Variants in CACNA1C observed in about 807,000 individuals in gnomAD.
The protein encoded by CACNA1C is voltage-dependent L-type calcium channel subunit alpha-1C.
In CACNA1C, 30 loss-of-function variants were observed where a neutral mutation model predicts 229.0. The ratio of observed to expected loss-of-function variants is 0.13; its 90% CI spans 0.10 to 0.18. The LOEUF is 0.18. CACNA1C is among the 10% of genes least tolerant of loss of function. CACNA1C has a pLI of 1.00. For missense variants in CACNA1C, 1,658 were observed against 2,845.0 expected (o/e 0.58, Z 9.49); for synonymous variants, 1,114 against 1,132.5 (o/e 0.98, Z 0.33).
At chr12:2,207,276 C>A (rs1479831811) in intron 3 of CACNA1C, among the ~76,000 whole-genome samples, 1 of 152,194 alleles carries the variant, frequency 6.6e-6, no homozygotes, top group Non-Finnish European at 1.5e-5. Context: ...AGAAAGAGGT[C>A]ATTTGTTTGG....
rs184330227 is a variant in CACNA1C, at chr12:2,578,090, G to T, written c.1896-3500G>T. Among the ~76,000 whole-genome samples, 6 of 151,972 alleles carry T rather than the reference G, an allele frequency of 3.9e-5. No homozygotes were observed. The East Asian group carries it at 5.8e-4, about 15-fold the overall frequency. On this transcript the variant is annotated intron_variant, in intron 13 of 46. Coordinates refer to ENST00000399655, the MANE Select transcript of CACNA1C (RefSeq NM_000719.7). ...TCACCGTGTTAGCCAGGATGGTCTCGATCTCCTGACCTCGTGATCCGCCCG... is the reference window on the plus strand; with the variant it reads ...TCACCGTGTTAGCCAGGATGGTCTCTATCTCCTGACCTCGTGATCCGCCCG...
chr12:2,277,964 C>T (rs2089549932), intron 3 of CACNA1C, among the ~76,000 whole-genome samples: 1 of 152,246 alleles, frequency 6.6e-6, no homozygotes, highest in Admixed American at 6.5e-5. Context: ...TTGCATGGCA[C>T]ACCACTCTTA....
chr12:2,662,848 T>C (rs2095836982), intron 34 of CACNA1C, among the ~76,000 whole-genome samples: 1 of 152,188 alleles, frequency 6.6e-6, no homozygotes, highest in Non-Finnish European at 1.5e-5. Context: ...TCTACGCAAA[T>C]ACAACTTACG....
rs114079872 is a variant in CACNA1C at position 2,609,026 on chromosome 12, A to G, written c.3558+314A>G. Among the ~76,000 whole-genome samples the G allele has an allele frequency of 5.9e-3, 904 of 152,334 alleles. 13 individuals carry two copies. Among genetic ancestry groups the G allele is most frequent in the African/African-American group, 0.02 (834 of 41,574 alleles). ...GAAGTTAACAAGTTAGAGGGACCCA[A>G]GTGGGTCGGCACCATGATACGGAGG... On this transcript the variant is annotated intron_variant, in intron 27 of 46. Coordinates refer to ENST00000399655, the MANE Select transcript of CACNA1C (RefSeq NM_000719.7).
At chr12:2,447,765 C>T (rs1264239256) in intron 3 of CACNA1C, among the ~76,000 whole-genome samples, 1 of 152,240 alleles carries the variant, frequency 6.6e-6, no homozygotes, top group Non-Finnish European at 1.5e-5. Flanking sequence ...AACATCCCTC[C>T]TCCAGAATGT....
intron 3 of CACNA1C, among the ~76,000 whole-genome samples, chr12:2,294,913 A>G (rs140754583): frequency 3.9e-4 from 59 of 151,890 alleles, no homozygotes; most frequent in Non-Finnish European, 7.7e-4. Context: ...CAGTTGTGTA[A>G]TCTCCGTGGT....
rs144816572 is a variant in CACNA1C at position 2,053,169 on chromosome 12, C to T, written c.-394C>T. On this transcript the variant is annotated 5_prime_UTR_variant, in exon 1 of 47. Coordinates refer to ENST00000399655, the MANE Select transcript of CACNA1C (RefSeq NM_000719.7). The surrounding 1 kb of genome is among the most constrained non-coding windows in gnomAD (Gnocchi z 5.8). ...GACTCGCTGGGAGTGGGCAGAGGCGCCTCGGCCCCTGCCGGCCCAGGCGGG... is the reference window on the plus strand; with the variant it reads ...GACTCGCTGGGAGTGGGCAGAGGCGTCTCGGCCCCTGCCGGCCCAGGCGGG... The T allele has an allele frequency of 9.9e-4, 988 of 993,350 alleles. 5 individuals carry two copies. The African/African-American group carries it at 0.016, about 16-fold the overall frequency. 61.5% of individuals were successfully genotyped at this position (993,350 alleles called of 1,614,324 possible).
rs761831470 is a variant in CACNA1C at position 2,674,480 on chromosome 12, G to A, written c.4727-61G>A. The A allele has an allele frequency of 2.2e-5, 34 of 1,525,166 alleles. No individual in the cohort carries two copies. Among genetic ancestry groups the A allele is most frequent in the Admixed American group, 1.4e-4 (7 of 49,506 alleles). The allele number at this position is 1,525,166 out of a possible 1,614,324, so 94.5% of individuals were successfully genotyped here. A position where few individuals can be genotyped will look rare whatever the true frequency, so the allele number is the denominator to read the frequency against. ...CACCATCTGTGGCTTCCTACCTTAC[G>A]CAGAGGGACCCAGCCCATCAGAGGC... is the stretch of plus-strand genomic sequence containing the variant. On this transcript the variant is annotated intron_variant, in intron 38 of 46. Transcript: ENST00000399655.
chr12:2,074,920 G>A (rs1028262981), intron 1 of CACNA1C, among the ~76,000 whole-genome samples: 1 of 152,202 alleles, frequency 6.6e-6, no homozygotes, highest in African/African-American at 2.4e-5. Flanking sequence ...GGCTTTGGAA[G>A]TGCCTTTCAA....
At chr12:2,160,297 T>C (rs2095789297) in intron 3 of CACNA1C, among the ~76,000 whole-genome samples, 1 of 152,228 alleles carries the variant, frequency 6.6e-6, no homozygotes, top group Non-Finnish European at 1.5e-5. Context: ...GCTTAGCACA[T>C]GGCCTGACAC....
chr12:2,661,981 G>A lies in CACNA1C; in HGVS notation c.4233-2844G>A, dbSNP rs561869826. ...GGAAAGGCCGGGCGCAGTGGCTCACGCCTGTAATCCCAGCACTTCGGGAGG... is the reference window on the plus strand; with the variant it reads ...GGAAAGGCCGGGCGCAGTGGCTCACACCTGTAATCCCAGCACTTCGGGAGG... On this transcript the variant is annotated intron_variant, in intron 34 of 46. Coordinates refer to ENST00000399655, the MANE Select transcript of CACNA1C (RefSeq NM_000719.7). Among the ~76,000 whole-genome samples the A allele has an allele frequency of 7.2e-5, 11 of 152,302 alleles. No individual in the cohort carries two copies. In the South Asian group the frequency reaches 1.7e-3, roughly 23 times the overall value.
At chr12:1,986,945 T>TG (rs1279849785) in intron 1 of CACNA1C, among the ~76,000 whole-genome samples, 1 of 152,174 alleles carries the variant, frequency 6.6e-6, no homozygotes, top group Non-Finnish European at 1.5e-5. Flanking sequence ...CTTTTTGCTA[T>TG]GGGGGGTTAT....
chr12:2,259,414 A>G (rs1244669482), intron 3 of CACNA1C, among the ~76,000 whole-genome samples: 3 of 152,260 alleles, frequency 2.0e-5, no homozygotes, highest in Admixed American at 1.3e-4. Context: ...CAAAATGCTA[A>G]TGAGGAAAAT....
At position 2,601,836 on chromosome 12, in the gene CACNA1C, C is replaced by A. The variant is rs371999540; in HGVS notation, c.2854-18C>A. The A allele has an allele frequency of 2.5e-6, 4 of 1,573,682 alleles. No individual in the cohort carries two copies. The highest frequency in any genetic ancestry group is 1.7e-5 in the Admixed American group (1 of 59,966). ...GCTAGGGCCACTCACACTGGTGTTC[C>A]TTTGTCCCTCCCTGCAGATGACTGC... On this transcript the variant is annotated intron_variant, in intron 21 of 46. Transcript: ENST00000399655. This position sits in a 1 kb window ranked among gnomAD's most constrained non-coding sequence, Gnocchi z 5.9.
chr12:2,636,583 G>A (rs113002634), intron 30 of CACNA1C, among the ~76,000 whole-genome samples: 5 of 152,270 alleles, frequency 3.3e-5, no homozygotes, highest in South Asian at 2.1e-4. Context: ...ATTTGCTGAT[G>A]CTAAAGGTGA....
chr12:2,446,032 G>A (rs1187270100), intron 3 of CACNA1C, among the ~76,000 whole-genome samples: 1 of 152,010 alleles, frequency 6.6e-6, no homozygotes, highest in African/African-American at 2.4e-5. Flanking sequence ...GTGGATGGAT[G>A]GGTGGGTAAG....
chr12:2,183,280 T>G (rs2096895477), intron 3 of CACNA1C, among the ~76,000 whole-genome samples: 1 of 152,184 alleles, frequency 6.6e-6, no homozygotes, highest in South Asian at 2.1e-4. Context: ...TTTTCTTCCC[T>G]TCCTGACCTT....
intron 3 of CACNA1C, among the ~76,000 whole-genome samples, chr12:2,381,620 G>A (rs1376657023): frequency 6.6e-6 from 1 of 152,132 alleles, no homozygotes; most frequent in Non-Finnish European, 1.5e-5. Flanking sequence ...CCAGGACACT[G>A]TAGCAATCCT....
intron 29 of CACNA1C, among the ~76,000 whole-genome samples, chr12:2,626,669 T>A (rs1275767003): frequency 6.6e-6 from 1 of 152,098 alleles, no homozygotes; most frequent in South Asian, 2.1e-4. Flanking sequence ...TATTCCAGCA[T>A]GAGTAGTGTG....
Sources: gnomAD v4.1 joint callset for allele counts (sites outside exome capture counted in the v4.1 genomes callset) on GRCh38, gnomAD v4.1.1 for gene constraint, Gnocchi (gnomAD v3.1) non-coding constraint, MANE v1.5 for transcripts, NCBI Gene and HGNC (gene_info 2026-07-23, HGNC 2026-07-21) for gene names.